Variants in GLI3 observed in about 807,000 individuals in gnomAD.
The protein encoded by GLI3 is transcription activator GLI3.
In GLI3, 20 loss-of-function variants were observed where a neutral mutation model predicts 100.8. The observed-to-expected ratio is 0.20, with a 90% CI of 0.14 to 0.29. The LOEUF is 0.29. GLI3 is among the 10% of genes least tolerant of loss of function. The pLI is 1.00. For synonymous variants in GLI3, 938 were observed against 860.5 expected (o/e 1.09, Z -1.58); for missense variants, 2,040 against 2,128.5 (o/e 0.96, Z 0.82).
chr7:42,040,079 T>G lies in GLI3; in HGVS notation c.987A>C (p.Ser329=). The G allele has an allele frequency of 6.2e-7, 1 of 1,614,084 alleles. No individual in the cohort carries two copies. Among genetic ancestry groups the G allele is most frequent in the Non-Finnish European group, 8.5e-7 (1 of 1,179,922 alleles). ...ATAAGTGACCATAGGAGCCACTTGC[T>G]GAAGAGCTGCTACGGGAATTATTGA... ...TILNNSRSSS[S]ASGSYGHLSA... The change falls in exon 7 of 15, where the codon TCA becomes TCC. Residue 329 remains serine (S), a synonymous_variant. Coordinates refer to ENST00000395925, the MANE Select transcript of GLI3 (RefSeq NM_000168.6).
chr7:42,085,856 T>C (rs1419007370), intron 3 of GLI3, among the ~76,000 whole-genome samples: 8 of 152,166 alleles, frequency 5.3e-5, no homozygotes, highest in Admixed American at 2.6e-4. Flanking sequence ...CCATCAATCA[T>C]AAAGAATCAC....
chr7:42,262,209 T>TTCCTTCCTTCCTGACTTCCTTCC (rs1186292634), intron 1 of GLI3, among the ~76,000 whole-genome samples: 1 of 110,842 alleles, frequency 9.0e-6, no homozygotes, highest in Non-Finnish European at 1.8e-5. Context: ...TCCTTCCTTC[T>TTCCTTCCTTCCTGACTTCCTTCC]TTCCTTCCTT....
intron 3 of GLI3, among the ~76,000 whole-genome samples, chr7:42,099,245 T>C (rs1307836796): frequency 6.6e-6 from 1 of 152,158 alleles, no homozygotes; most frequent in Non-Finnish European, 1.5e-5. Context: ...GGTTAGGAAA[T>C]ACATATGCAA....
chr7:42,102,664 G>C (rs1472238918), intron 3 of GLI3, among the ~76,000 whole-genome samples: 1 of 152,158 alleles, frequency 6.6e-6, no homozygotes, highest in Non-Finnish European at 1.5e-5. Context: ...CTCTTCCCAT[G>C]CCTAGGATTA....
intron 3 of GLI3, among the ~76,000 whole-genome samples, chr7:42,136,068 C>T (rs1273444591): frequency 2.6e-5 from 4 of 152,114 alleles, no homozygotes; most frequent in Non-Finnish European, 4.4e-5. Flanking sequence ...AGAGCTGGTC[C>T]CCAAAAATGC....
At chr7:42,246,819 T>C (rs1274441553) in intron 1 of GLI3, among the ~76,000 whole-genome samples, 4 of 144,302 alleles carry the variant, frequency 2.8e-5, no homozygotes. Context: ...TTTTTTTTTT[T>C]TTTTTTTTTT....
At chr7:42,057,599 A>G (rs537631840) in intron 4 of GLI3, among the ~76,000 whole-genome samples, 2 of 152,364 alleles carry the variant, frequency 1.3e-5, no homozygotes, top group African/African-American at 2.4e-5. Context: ...ATGGACAAAT[A>G]ATGCATACAA....
intron 2 of GLI3, among the ~76,000 whole-genome samples, chr7:42,199,499 G>A (rs1211885771): frequency 1.3e-5 from 2 of 152,170 alleles, no homozygotes; most frequent in Admixed American, 6.5e-5. Flanking sequence ...CCCAGCTGGG[G>A]CAGACAGCTC....
intron 3 of GLI3, among the ~76,000 whole-genome samples, chr7:42,131,522 G>A (rs1786276097): frequency 6.6e-6 from 1 of 152,164 alleles, no homozygotes; most frequent in African/African-American, 2.4e-5. Context: ...ACATTCTACT[G>A]GTTCAACACA....
intron 10 of GLI3, among the ~76,000 whole-genome samples, chr7:42,010,292 C>T (rs139742605): frequency 4.6e-5 from 7 of 152,170 alleles, no homozygotes; most frequent in Non-Finnish European, 1.0e-4. Context: ...TGTGAGGCTG[C>T]GGCTTAAAGT....
intron 3 of GLI3, among the ~76,000 whole-genome samples, chr7:42,092,528 T>C (rs537794456): frequency 1.3e-5 from 2 of 152,124 alleles, no homozygotes; most frequent in African/African-American, 4.8e-5. Context: ...GGGCTGACCA[T>C]GAGCAGGTTA....
intron 4 of GLI3, among the ~76,000 whole-genome samples, chr7:42,063,291 G>C (rs1047625260): frequency 6.6e-6 from 1 of 151,922 alleles, no homozygotes; most frequent in Non-Finnish European, 1.5e-5. Flanking sequence ...AAATACATAC[G>C]TACACACACA....
rs1002482046 is a variant in GLI3, at chr7:42,039,963, A to C, written c.1028+75T>G. ...TCCTCATAGGCAGTTGGTACTGAAA[A>C]TGCATCACTACAGGTGCAAACAAGT... On this transcript the variant is annotated intron_variant, in intron 7 of 14. Coordinates refer to ENST00000395925, the MANE Select transcript of GLI3 (RefSeq NM_000168.6). The C allele has an allele frequency of 7.3e-6, 8 of 1,091,290 alleles. No individual in the cohort carries two copies. The African/African-American group carries it at 9.3e-5, about 13-fold the overall frequency. The allele number at this position is 1,091,290 out of a possible 1,614,324, so 67.6% of individuals were successfully genotyped here.
At chr7:42,262,225 T>TTCCTTCCTTCCTGCC (rs1789151410) in intron 1 of GLI3, among the ~76,000 whole-genome samples, 16 of 118,786 alleles carry the variant, frequency 1.3e-4, no homozygotes, top group African/African-American at 5.4e-4. Flanking sequence ...TCCTTCCTTC[T>TTCCTTCCTTCCTGCC]TTCCTTCCTT....
chr7:42,205,351 A>C (rs530043980), intron 2 of GLI3, among the ~76,000 whole-genome samples: 1 of 152,182 alleles, frequency 6.6e-6, no homozygotes, highest in African/African-American at 2.4e-5. Context: ...GTCAAGGGTA[A>C]GAGCTCCAAT....
upstream of GLI3, among the ~76,000 whole-genome samples, chr7:42,240,713 C>G (rs1222659918): frequency 1.3e-5 from 2 of 152,194 alleles, no homozygotes; most frequent in Non-Finnish European, 2.9e-5. Flanking sequence ...TGCAACAAGC[C>G]TGTTTCCAAG....
chr7:41,972,558 CAT>C lies in GLI3; in HGVS notation c.1880_1881del (p.His627ArgfsTer48), dbSNP rs2128710014. On this transcript the variant is annotated frameshift_variant, in exon 13 of 15. Transcript: ENST00000395925. LOFTEE classifies it high-confidence loss of function. This position sits in a 1 kb window ranked among gnomAD's most constrained non-coding sequence, Gnocchi z 4.4. ...GCCTCTGGGCCATGCACTGTCTTCA[CAT>C]GTTTCCGGAGGGAGCTTGGGTCTGT... ...RYTDPSSLRK[H>X]VKTVHGPEAH... 1 of 1,611,892 alleles carries C rather than the reference CAT, an allele frequency of 6.2e-7. No homozygotes were observed. The highest frequency in any genetic ancestry group is 8.5e-7 in the Non-Finnish European group (1 of 1,179,946).
intron 3 of GLI3, among the ~76,000 whole-genome samples, chr7:42,120,166 TA>T (rs1192848911): frequency 3.3e-5 from 5 of 152,164 alleles, no homozygotes; most frequent in Non-Finnish European, 4.4e-5. Context: ...CTGCCCTGAT[TA>T]AAAAATATCA....
intron 6 of GLI3, among the ~76,000 whole-genome samples, chr7:42,043,798 G>C (rs1007946479): frequency 1.3e-5 from 2 of 152,088 alleles, no homozygotes; most frequent in African/African-American, 4.8e-5. Flanking sequence ...AAAGTAATGC[G>C]GGCTGACCTT....
Sources: allele counts gnomAD v4.1 joint callset (sites outside exome capture counted in the v4.1 genomes callset), GRCh38; gene constraint gnomAD v4.1.1; non-coding constraint Gnocchi (gnomAD v3.1); transcripts MANE v1.5; gene names NCBI Gene and HGNC (gene_info 2026-07-23, HGNC 2026-07-21).